LUZP2: variants seen among roughly 807,000 people sequenced by gnomAD.
LUZP2 encodes the protein leucine zipper protein 2.
In LUZP2, 52 loss-of-function variants were observed where a neutral mutation model predicts 51.6. The observed-to-expected ratio is 1.01, with a 90% CI of 0.81 to 1.27. The LOEUF (loss-of-function observed/expected upper bound fraction) is 1.27, where lower values mean the gene tolerates loss of function less well. LUZP2 is among the 50% of genes most tolerant of loss of function. The pLI is 0.00. For missense variants in LUZP2, 436 were observed against 395.4 expected (o/e 1.10, Z -0.87); for synonymous variants, 154 against 137.3 (o/e 1.12, Z -0.85).
At chr11:24,973,528 T>C (rs1855807068) in intron 7 of LUZP2, among the ~76,000 whole-genome samples, 1 of 152,026 alleles carries the variant, frequency 6.6e-6, no homozygotes, top group Non-Finnish European at 1.5e-5. Context: ...TAAGTTGTGT[T>C]GTCACGTTGT....
chr11:25,068,865 T>G (rs1308886289), intron 10 of LUZP2, among the ~76,000 whole-genome samples: 1 of 151,960 alleles, frequency 6.6e-6, no homozygotes, highest in Non-Finnish European at 1.5e-5. Flanking sequence ...TGCATCCCCC[T>G]CACTTACAGA....
In LUZP2 at chr11:25,079,028, G is replaced by A. The variant is rs1033428232; in HGVS notation, c.*370G>A. The A allele has an allele frequency of 5.9e-6, 1 of 168,660 alleles. No individual in the cohort carries two copies. Among genetic ancestry groups the A allele is most frequent in the African/African-American group, 2.4e-5 (1 of 41,598 alleles). The allele number at this position is 168,660 out of a possible 1,614,324, so 10.4% of individuals were successfully genotyped here. On this transcript the variant is annotated 3_prime_UTR_variant, in exon 12 of 12. Transcript: ENST00000336930. ...GATAATAAAATATTGTGGGTTCTCA[G>A]CATTCTTAGAATCCAAATTACAACC...
At chr11:24,841,920 C>T (rs568628471) in intron 5 of LUZP2, among the ~76,000 whole-genome samples, 2 of 151,908 alleles carry the variant, frequency 1.3e-5, no homozygotes, top group Non-Finnish European at 2.9e-5. Flanking sequence ...AAAATGTCTC[C>T]CCTAAGATTT....
At chr11:25,022,056 C>T (rs1022851845) in intron 9 of LUZP2, among the ~76,000 whole-genome samples, 5 of 152,008 alleles carry the variant, frequency 3.3e-5, no homozygotes, top group Non-Finnish European at 2.9e-5. Context: ...GTACTTGTTG[C>T]ACTCTTTCAT....
intron 9 of LUZP2, among the ~76,000 whole-genome samples, chr11:25,006,775 A>T (rs1459706225): frequency 6.6e-6 from 1 of 152,166 alleles, no homozygotes; most frequent in Non-Finnish European, 1.5e-5. Flanking sequence ...TTCAAGAATG[A>T]AGCCATAGAC....
intron 9 of LUZP2, among the ~76,000 whole-genome samples, chr11:25,020,777 G>A (rs1206162575): frequency 8.0e-6 from 1 of 124,254 alleles, no homozygotes; most frequent in Non-Finnish European, 1.7e-5. Flanking sequence ...AATTTTACTT[G>A]GGGTCTAATT....
intron 9 of LUZP2, among the ~76,000 whole-genome samples, chr11:25,046,459 T>C (rs1430038165): frequency 6.6e-6 from 1 of 152,146 alleles, no homozygotes; most frequent in Non-Finnish European, 1.5e-5. Context: ...ACATGTCCAC[T>C]ACCCTTGCTT....
At chr11:25,021,378 A>T (rs1446186) in intron 9 of LUZP2, among the ~76,000 whole-genome samples, 88,781 of 151,704 alleles carry the variant, frequency 0.59, 27,204 homozygotes, top group African/African-American at 0.77. Context: ...GAAACTGTTA[A>T]AAGTAGTGCA....
chr11:24,999,131 A>G (rs961383033), intron 9 of LUZP2, among the ~76,000 whole-genome samples: 2 of 152,146 alleles, frequency 1.3e-5, no homozygotes, highest in African/African-American at 4.8e-5. Flanking sequence ...ATTTCATTTA[A>G]TGATGTTCAA....
chr11:25,072,931 A>G (rs1859197496), intron 10 of LUZP2, among the ~76,000 whole-genome samples: 1 of 152,124 alleles, frequency 6.6e-6, no homozygotes, highest in African/African-American at 2.4e-5. Flanking sequence ...CAGGAGGACC[A>G]GAGAGACCTT....
chr11:24,690,056 G>A (rs1857020443), intron 1 of LUZP2, among the ~76,000 whole-genome samples: 1 of 152,068 alleles, frequency 6.6e-6, no homozygotes, highest in Non-Finnish European at 1.5e-5. Flanking sequence ...GGCCTAATGG[G>A]AGGAATAGAT....
chr11:25,045,429 T>G (rs963175236), intron 9 of LUZP2, among the ~76,000 whole-genome samples: 16 of 152,114 alleles, frequency 1.1e-4, no homozygotes, highest in Non-Finnish European at 2.4e-4. Flanking sequence ...TCTTTTCTCC[T>G]TGCTCTGTGT....
intron 1 of LUZP2, among the ~76,000 whole-genome samples, chr11:24,498,553 T>G (rs1259842766): frequency 6.6e-6 from 1 of 152,198 alleles, no homozygotes; most frequent in East Asian, 1.9e-4. Flanking sequence ...AAATGAAATG[T>G]AAGTTTGATT....
At chr11:24,958,087 T>C (rs1855264132) in intron 7 of LUZP2, among the ~76,000 whole-genome samples, 2 of 148,322 alleles carry the variant, frequency 1.3e-5, no homozygotes, top group African/African-American at 5.2e-5. Context: ...GAACTCATCA[T>C]TTTTTTATGG....
chr11:24,669,866 T>C (rs980392820), intron 1 of LUZP2, among the ~76,000 whole-genome samples: 9 of 152,102 alleles, frequency 5.9e-5, no homozygotes, highest in Admixed American at 3.9e-4. Context: ...ATAATTTCTA[T>C]TGATTACTTT....
At chr11:24,662,399 T>C (rs140221788) in intron 1 of LUZP2, among the ~76,000 whole-genome samples, 1 of 152,108 alleles carries the variant, frequency 6.6e-6, no homozygotes, top group Admixed American at 6.6e-5. Flanking sequence ...AAATAGACTG[T>C]ATAAACATTT....
chr11:24,759,305 G>A (rs1049262829), intron 4 of LUZP2, among the ~76,000 whole-genome samples: 9 of 152,034 alleles, frequency 5.9e-5, no homozygotes, highest in African/African-American at 2.2e-4. Flanking sequence ...TAAATACAAT[G>A]TATTTTCTGT....
In LUZP2 at chr11:24,571,802, C is replaced by T. The variant is rs182574744; in HGVS notation, c.62+74497C>T. ...ATCTATTTGTATCTGCTGATTTTTA[C>T]CAGGTTTAGGTTGGCTTTATCCACC... On this transcript the variant is annotated intron_variant, in intron 1 of 11. Coordinates refer to ENST00000336930, the MANE Select transcript of LUZP2 (RefSeq NM_001009909.4). 1.4e-3 allele frequency among the ~76,000 whole-genome samples: 206 copies of T among 152,010 alleles called. 1 individual carries two copies. In the Middle Eastern group the frequency reaches 0.014, roughly 10 times the overall value.
chr11:24,681,897 C>T (rs191280017), intron 1 of LUZP2, among the ~76,000 whole-genome samples: 24 of 152,184 alleles, frequency 1.6e-4, no homozygotes, highest in African/African-American at 5.5e-4. Flanking sequence ...AAAAAAATCA[C>T]CCCATGCTAA....
Sources: allele counts gnomAD v4.1 joint callset (sites outside exome capture counted in the v4.1 genomes callset), GRCh38; gene constraint gnomAD v4.1.1; transcripts MANE v1.5; gene names NCBI Gene and HGNC (gene_info 2026-07-23, HGNC 2026-07-21).